Variants in ARHGAP24 observed in about 807,000 individuals in gnomAD.
The protein encoded by ARHGAP24 is Rho GTPase activating protein 24.
ARHGAP24 carries 50 observed loss-of-function variants against 76.4 expected under a neutral mutation model. The ratio of observed to expected loss-of-function variants is 0.65; its 90% CI spans 0.52 to 0.83. The LOEUF (loss-of-function observed/expected upper bound fraction) is 0.83, where lower values mean the gene tolerates loss of function less well. Ranked by LOEUF, ARHGAP24 falls within the 40% of genes least tolerant of loss-of-function variation. The probability of loss-of-function intolerance (pLI) is 0.00; values close to 1 mark genes in which losing one functional copy is unlikely to be tolerated. For missense variants in ARHGAP24, 930 were observed against 914.2 expected, an observed-to-expected ratio of 1.02 and a Z score of -0.22; for synonymous variants, 345 against 323.3, an observed-to-expected ratio of 1.07 and a Z score of -0.72.
Position 85,773,615 on chromosome 4 carries a change from A to T in ARHGAP24, c.268+51643A>T, listed in dbSNP as rs114252801. Among the ~76,000 whole-genome samples, 1,200 of 152,166 alleles carry T rather than the reference A, an allele frequency of 7.9e-3. 13 individuals are homozygous for T. The highest frequency in any genetic ancestry group is 0.028 in the African/African-American group (1,150 of 41,530). On this transcript the variant is annotated intron_variant, in intron 3 of 9. Coordinates refer to ENST00000395184, the MANE Select transcript of ARHGAP24 (RefSeq NM_001025616.3). ...CTGTAAAGCAGTGCTTACCTCCACA[A>T]TAGTCTGTAAATGTCTCCCACCTCC... is the stretch of plus-strand genomic sequence containing the variant.
intron 2 of ARHGAP24, among the ~76,000 whole-genome samples, chr4:85,635,775 T>G (rs1721291890): frequency 6.6e-6 from 1 of 151,950 alleles, no homozygotes; most frequent in Non-Finnish European, 1.5e-5. Flanking sequence ...TTTGTTTCTT[T>G]TCATAGGTAC....
At chr4:85,576,145 C>A (rs1218846015) in intron 2 of ARHGAP24, among the ~76,000 whole-genome samples, 1 of 152,182 alleles carries the variant, frequency 6.6e-6, no homozygotes, top group Non-Finnish European at 1.5e-5. Context: ...AGAGTAAGCT[C>A]TAGGCTGGGC....
At chr4:85,623,712 C>T (rs1480733420) in intron 2 of ARHGAP24, among the ~76,000 whole-genome samples, 3 of 151,798 alleles carry the variant, frequency 2.0e-5, no homozygotes, top group Non-Finnish European at 4.4e-5. Context: ...ATTGATTCTT[C>T]CTACCCATGA....
Position 85,942,170 on chromosome 4 carries a change from AG to A in ARHGAP24, c.501del (p.Leu168Ter). The A allele has an allele frequency of 1.2e-6, 2 of 1,614,022 alleles. No homozygotes were observed. Among genetic ancestry groups the A allele is most frequent in the Non-Finnish European group, 1.7e-6 (2 of 1,180,002 alleles). On this transcript the variant is annotated frameshift_variant, in exon 5 of 10. Coordinates refer to ENST00000395184, the MANE Select transcript of ARHGAP24 (RefSeq NM_001025616.3). LOFTEE classifies it high-confidence loss of function. ...GCAGTGCGTGGACTTTATCCGACAA[AG>A]GGGGCTGAAAGAAGAGGGTCTCTTT... ...VEQCVDFIRQRGLKEEGLFRL... is the reference protein window; with the variant it reads ...VEQCVDFIRQXGLKEEGLFRL...
intron 1 of ARHGAP24, among the ~76,000 whole-genome samples, chr4:85,521,455 C>CATACCTTCTATCCCCCTCCCATTTTATA (rs1724750116): frequency 1.1e-5 from 1 of 88,150 alleles, no homozygotes; most frequent in Non-Finnish European, 2.7e-5. Flanking sequence ...CCCTTTTTAT[C>CATACCTTCTATCCCCCTCCCATTTTATA]ACCTCCATCC....
intron 2 of ARHGAP24, among the ~76,000 whole-genome samples, chr4:85,582,834 T>G (rs1426296220): frequency 6.6e-6 from 1 of 152,194 alleles, no homozygotes; most frequent in Non-Finnish European, 1.5e-5. Flanking sequence ...TTATATAATT[T>G]GATTTTATCT....
Position 85,778,932 on chromosome 4 carries a change from C to T in ARHGAP24, c.268+56960C>T, listed in dbSNP as rs1268012076. ...GTTAAACAAGAGTCGGCACTGGGAA[C>T]AGCTGTGCGTAGACCAGACCAGTGA... is the stretch of plus-strand genomic sequence containing the variant. On this transcript the variant is annotated intron_variant, in intron 3 of 9. Coordinates refer to ENST00000395184, the MANE Select transcript of ARHGAP24 (RefSeq NM_001025616.3). 3.0e-6 allele frequency: 3 copies of T among 985,312 alleles called. No homozygotes were observed. In the East Asian group the frequency reaches 3.4e-4, roughly 112 times the overall value. The allele number at this position is 985,312 out of a possible 1,614,324, so 61.0% of individuals were successfully genotyped here.
intron 2 of ARHGAP24, among the ~76,000 whole-genome samples, chr4:85,615,929 A>G (rs533695542): frequency 2.0e-5 from 3 of 152,212 alleles, no homozygotes; most frequent in Admixed American, 6.5e-5. Flanking sequence ...TGAAAAATTA[A>G]TTAGTATTGT....
intron 2 of ARHGAP24, among the ~76,000 whole-genome samples, chr4:85,639,516 G>A (rs1394396321): frequency 1.3e-5 from 2 of 152,054 alleles, no homozygotes; most frequent in East Asian, 1.9e-4. Context: ...AATTCTCAGA[G>A]TTAGCTCCAA....
chr4:85,544,194 C>T (rs546728586), intron 1 of ARHGAP24, among the ~76,000 whole-genome samples: 2 of 152,150 alleles, frequency 1.3e-5, no homozygotes, highest in East Asian at 3.9e-4. Flanking sequence ...TTGTAAATGA[C>T]CCTTAATTTA....
intron 3 of ARHGAP24, among the ~76,000 whole-genome samples, chr4:85,862,541 T>C (rs916543142): frequency 6.6e-6 from 1 of 152,050 alleles, no homozygotes; most frequent in African/African-American, 2.4e-5. Context: ...GACTCATATA[T>C]AGAAGCATGG....
At chr4:86,000,129 G>C (rs1740926256) in intron 9 of ARHGAP24, 1 of 174,086 alleles carries the variant, frequency 5.7e-6, no homozygotes. Context: ...TGCATTTAGT[G>C]TAGTGAACTT....
At chr4:85,865,973 G>T (rs1040133667) in intron 3 of ARHGAP24, among the ~76,000 whole-genome samples, 2 of 152,082 alleles carry the variant, frequency 1.3e-5, no homozygotes, top group Non-Finnish European at 2.9e-5. Context: ...GGATTTACTT[G>T]CTGGAAATAC....
intron 3 of ARHGAP24, among the ~76,000 whole-genome samples, chr4:85,878,494 C>T (rs748729395): frequency 4.6e-5 from 7 of 152,086 alleles, no homozygotes; most frequent in East Asian, 1.9e-4. Flanking sequence ...AAGAAGAATT[C>T]GTTAAGACCC....
At chr4:85,585,531 G>A (rs1365121210) in intron 2 of ARHGAP24, among the ~76,000 whole-genome samples, 4 of 152,126 alleles carry the variant, frequency 2.6e-5, no homozygotes, top group African/African-American at 9.7e-5. Context: ...TCCATTTAAG[G>A]GTTATAACAA....
At chr4:85,747,220 T>C (rs1726075362) in intron 3 of ARHGAP24, among the ~76,000 whole-genome samples, 1 of 152,246 alleles carries the variant, frequency 6.6e-6, no homozygotes. Flanking sequence ...CAGTTTACGT[T>C]TCACTTATGT....
At chr4:85,545,706 T>C (rs1416055603) in intron 1 of ARHGAP24, among the ~76,000 whole-genome samples, 3 of 152,160 alleles carry the variant, frequency 2.0e-5, no homozygotes, top group African/African-American at 7.2e-5. Flanking sequence ...AAATGAAATA[T>C]ATATGCATAA....
intron 2 of ARHGAP24, among the ~76,000 whole-genome samples, chr4:85,695,747 G>A (rs1723843218): frequency 1.3e-5 from 2 of 152,100 alleles, no homozygotes; most frequent in African/African-American, 4.8e-5. Context: ...ATATTCATTA[G>A]AGTAAATTAA....
intron 2 of ARHGAP24, among the ~76,000 whole-genome samples, chr4:85,699,088 C>G (rs1723974421): frequency 6.6e-6 from 1 of 152,170 alleles, no homozygotes; most frequent in African/African-American, 2.4e-5. Context: ...TGGGGAGACA[C>G]AAATATTCAG....
Sources: gnomAD v4.1 joint callset for allele counts (sites outside exome capture counted in the v4.1 genomes callset) on GRCh38, gnomAD v4.1.1 for gene constraint, MANE v1.5 for transcripts, NCBI Gene and HGNC (gene_info 2026-07-23, HGNC 2026-07-21) for gene names.